The following SLC22A15 variants were observed in gnomAD, a reference collection of about 807,000 sequenced individuals.
SLC22A15 encodes flipt 1.
In SLC22A15, 45 loss-of-function variants were observed where a neutral mutation model predicts 62.7. That is an observed-to-expected ratio of 0.72 (90% CI 0.56 to 0.92). SLC22A15 has a LOEUF of 0.92. SLC22A15 is among the 40% of genes least tolerant of loss of function. The pLI, the probability that SLC22A15 is intolerant of heterozygous loss-of-function variation, is 0.00. For synonymous variants in SLC22A15, 264 were observed against 267.0 expected (o/e 0.99, Z 0.11); for missense variants, 622 against 665.6 (o/e 0.93, Z 0.72).
Position 115,976,554 on chromosome 1 carries a change from G to T in SLC22A15, c.-74G>T. 1.7e-6 allele frequency: 2 copies of T among 1,178,488 alleles called. No homozygotes were observed. The highest frequency in any genetic ancestry group is 1.4e-5 in the South Asian group (1 of 73,082). The allele number at this position is 1,178,488 out of a possible 1,614,324, so 73.0% of individuals were successfully genotyped here. ...GTCCAAGCCGGTGCCGGGCGCCCAG[G>T]GGTTGCCGCGCTGGGCGGGAGGGCA... On this transcript the variant is annotated 5_prime_UTR_variant, in exon 1 of 12. Coordinates refer to ENST00000369503, the MANE Select transcript of SLC22A15 (RefSeq NM_018420.3).
At chr1:116,059,459 A>G (rs748598363) in intron 8 of SLC22A15, among the ~76,000 whole-genome samples, 16 of 152,218 alleles carry the variant, frequency 1.1e-4, no homozygotes, top group Non-Finnish European at 2.1e-4. Flanking sequence ...TGGTATATCA[A>G]TATAATGGAA....
At chr1:116,035,685 A>G (rs377391222) in intron 7 of SLC22A15, among the ~76,000 whole-genome samples, 1 of 152,038 alleles carries the variant, frequency 6.6e-6, no homozygotes, top group Non-Finnish European at 1.5e-5. Context: ...TATAAACCCA[A>G]TTAGCAATAA....
intron 2 of SLC22A15, among the ~76,000 whole-genome samples, chr1:116,007,202 G>A (rs1656025890): frequency 6.6e-6 from 1 of 152,166 alleles, no homozygotes; most frequent in South Asian, 2.1e-4. Flanking sequence ...TCCAGCAGGT[G>A]CTCCAAGATG....
intron 10 of SLC22A15, 40 bp downstream of exon 10, chr1:116,064,548 T>A (rs1257764263): frequency 7.3e-7 from 1 of 1,365,260 alleles, no homozygotes; most frequent in African/African-American, 1.4e-5. Context: ...CTTGATTCTC[T>A]GCTTTGGAAA....
At chr1:115,996,706 A>G (rs531558999) in intron 2 of SLC22A15, among the ~76,000 whole-genome samples, 1 of 41,156 alleles carries the variant, frequency 2.4e-5, no homozygotes, top group East Asian at 5.5e-4. Flanking sequence ...GTATCCTTTG[A>G]TCTTAATCTT....
At chr1:116,061,720 A>G (rs1281728712) in intron 8 of SLC22A15, among the ~76,000 whole-genome samples, 1 of 152,126 alleles carries the variant, frequency 6.6e-6, no homozygotes, top group Non-Finnish European at 1.5e-5. Context: ...AGAATCCCAG[A>G]AAGTATAATG....
At chr1:115,995,346 T>C (rs1655370918) in intron 2 of SLC22A15, among the ~76,000 whole-genome samples, 1 of 152,146 alleles carries the variant, frequency 6.6e-6, no homozygotes. Context: ...TTGCCTCCTA[T>C]GTTCAAGCAA....
intron 8 of SLC22A15, among the ~76,000 whole-genome samples, chr1:116,049,361 C>T (rs1322413922): frequency 6.6e-6 from 1 of 152,098 alleles, no homozygotes; most frequent in African/African-American, 2.4e-5. Flanking sequence ...TAAAATGAGC[C>T]TCAATAAATT....
intron 1 of SLC22A15, among the ~76,000 whole-genome samples, chr1:115,980,093 A>G (rs1280552392): frequency 1.3e-5 from 2 of 151,872 alleles, no homozygotes; most frequent in Non-Finnish European, 2.9e-5. Context: ...TTTAGAAAGT[A>G]GAATGATTGC....
At chr1:116,023,160 G>A (rs1008967164) in intron 4 of SLC22A15, among the ~76,000 whole-genome samples, 1 of 152,262 alleles carries the variant, frequency 6.6e-6, no homozygotes, top group South Asian at 2.1e-4. Flanking sequence ...AATAATATTT[G>A]CAATATGTAA....
At chr1:116,002,428 A>G (rs755344174) in intron 2 of SLC22A15, among the ~76,000 whole-genome samples, 1 of 152,110 alleles carries the variant, frequency 6.6e-6, no homozygotes, top group Non-Finnish European at 1.5e-5. Context: ...TTTTCCCATA[A>G]GAGCAGCAGG....
intron 8 of SLC22A15, among the ~76,000 whole-genome samples, chr1:116,057,185 A>G (rs28818862): frequency 1.6e-3 from 243 of 151,658 alleles, no homozygotes; most frequent in Non-Finnish European, 2.7e-3. Flanking sequence ...TCCAGAATCT[A>G]CAATGAACTC....
At position 116,028,254 on chromosome 1, in the gene SLC22A15, AGTT is replaced by A. The variant is rs1488034883; in HGVS notation, c.728+1233_728+1235del. 3.3e-5 allele frequency among the ~76,000 whole-genome samples: 5 copies of A among 152,248 alleles called. No individual in the cohort carries two copies. In the East Asian group the frequency reaches 9.6e-4, roughly 29 times the overall value. Reference sequence around the variant, plus strand: ...AATAAAATTTATTAAATGTATTTTTAGTTATATGAATTTGAGTGAGATAATTTT... The same window carrying A: ...AATAAAATTTATTAAATGTATTTTTAATATGAATTTGAGTGAGATAATTTT... On this transcript the variant is annotated intron_variant, in intron 5 of 11. Transcript: ENST00000369503.
chr1:116,014,206 G>A (rs1656415281), intron 2 of SLC22A15: 2 of 152,020 alleles, frequency 1.3e-5, no homozygotes, highest in African/African-American at 4.8e-5. Flanking sequence ...TCCTCTTTAG[G>A]AACTGGAAGG....
At chr1:116,066,910 G>T in intron 11 of SLC22A15, 109 bp from the exon 12 acceptor site, 1 of 979,880 alleles carries the variant, frequency 1.0e-6, no homozygotes. Context: ...TTTCTTGGGG[G>T]AATGAATGTC....
At chr1:116,061,833 GA>G (rs1468454344) in intron 8 of SLC22A15, among the ~76,000 whole-genome samples, 3 of 152,116 alleles carry the variant, frequency 2.0e-5, no homozygotes, top group African/African-American at 4.8e-5. Flanking sequence ...ATTACATTAA[GA>G]AACTAAAATA....
At chr1:116,065,052 G>A (rs1658464192) in intron 10 of SLC22A15, among the ~76,000 whole-genome samples, 3 of 152,052 alleles carry the variant, frequency 2.0e-5, no homozygotes, top group South Asian at 2.1e-4. Flanking sequence ...GTCAAAGAAA[G>A]GGAACCAGAT....
chr1:116,014,952 C>T (rs1361725821), intron 2 of SLC22A15, among the ~76,000 whole-genome samples: 1 of 152,114 alleles, frequency 6.6e-6, no homozygotes, highest in African/African-American at 2.4e-5. Flanking sequence ...TAGATTACGC[C>T]AGTACATTTT....
At chr1:116,049,019 G>A (rs776960322) in intron 8 of SLC22A15, among the ~76,000 whole-genome samples, 5 of 152,214 alleles carry the variant, frequency 3.3e-5, no homozygotes, top group South Asian at 2.1e-4. Context: ...ATTATATAAC[G>A]GCAAAAGCCC....
Sources: gnomAD v4.1 joint callset for allele counts (sites outside exome capture counted in the v4.1 genomes callset) on GRCh38, gnomAD v4.1.1 for gene constraint, MANE v1.5 for transcripts, NCBI Gene and HGNC (gene_info 2026-07-23, HGNC 2026-07-21) for gene names.